The following EPS15 variants were observed in gnomAD, a reference collection of about 807,000 sequenced individuals.
EPS15 encodes epidermal growth factor receptor substrate 15.
A neutral mutation model predicts 113.8 loss-of-function variants in EPS15; 72 were observed. That is an observed-to-expected ratio of 0.63 (90% CI 0.52 to 0.77). The LOEUF is 0.77. Among genes scored for constraint, EPS15 ranks in the 30% least tolerant of loss-of-function variants. The pLI is 0.00. For missense variants in EPS15, 1,048 were observed against 1,045.8 expected, an observed-to-expected ratio of 1.00 and a Z score of -0.03; for synonymous variants, 344 against 363.4, an observed-to-expected ratio of 0.95 and a Z score of 0.61.
chr1:51,476,444 GA>G (rs1343659956), intron 2 of EPS15, among the ~76,000 whole-genome samples: 4 of 151,996 alleles, frequency 2.6e-5, no homozygotes, highest in Non-Finnish European at 5.9e-5. Flanking sequence ...ATGTGTTGAG[GA>G]ATTTACCCAT....
At chr1:51,358,923 C>CT (rs1646309607) in intron 24 of EPS15, among the ~76,000 whole-genome samples, 1 of 151,446 alleles carries the variant, frequency 6.6e-6, no homozygotes, top group South Asian at 2.1e-4. Flanking sequence ...AGGCTGGTCT[C>CT]ACACTCCTGA....
chr1:51,374,945 G>A (rs1646753428), intron 21 of EPS15, among the ~76,000 whole-genome samples: 1 of 150,352 alleles, frequency 6.7e-6, no homozygotes, highest in African/African-American at 2.5e-5. Context: ...CAAAGTGCTG[G>A]AATTACAGGT....
intron 12 of EPS15, among the ~76,000 whole-genome samples, chr1:51,437,223 A>G (rs1000084386): frequency 6.6e-5 from 10 of 152,130 alleles, no homozygotes; most frequent in African/African-American, 2.4e-4. Flanking sequence ...AATAACAAAG[A>G]ACATTCTTCA....
intron 8 of EPS15, among the ~76,000 whole-genome samples, chr1:51,452,445 G>A (rs1653652728): frequency 6.6e-6 from 1 of 152,008 alleles, no homozygotes; most frequent in Non-Finnish European, 1.5e-5. Flanking sequence ...ACCATGCCTG[G>A]CTAATTTTTT....
At chr1:51,388,009 G>C (rs904623815) in intron 21 of EPS15, among the ~76,000 whole-genome samples, 1 of 152,164 alleles carries the variant, frequency 6.6e-6, no homozygotes, top group Non-Finnish European at 1.5e-5. Flanking sequence ...CAAATCAACA[G>C]AATATACATT....
At chr1:51,385,521 A>G (rs1213070156) in intron 21 of EPS15, among the ~76,000 whole-genome samples, 1 of 152,198 alleles carries the variant, frequency 6.6e-6, no homozygotes, top group Non-Finnish European at 1.5e-5. Context: ...AACTAAAAAC[A>G]GCATTACCAT....
chr1:51,477,019 A>C (rs149115407), intron 2 of EPS15, among the ~76,000 whole-genome samples: 4,880 of 152,288 alleles, frequency 0.032, 125 homozygotes, highest in Non-Finnish European at 0.05. Flanking sequence ...GAATAGTTTC[A>C]GAAAGAATGG....
intron 13 of EPS15, among the ~76,000 whole-genome samples, chr1:51,410,173 G>A (rs1326585500): frequency 2.0e-5 from 3 of 151,774 alleles, no homozygotes; most frequent in South Asian, 4.2e-4. Flanking sequence ...AGGTTGCAGC[G>A]AGCCGAGATC....
intron 12 of EPS15, 49 bp from the exon 13 acceptor site, chr1:51,421,907 G>T: frequency 6.2e-7 from 1 of 1,607,882 alleles, no homozygotes; most frequent in Non-Finnish European, 8.5e-7. Context: ...ATCAGCTACA[G>T]CTGGTATGGT....
intron 2 of EPS15, among the ~76,000 whole-genome samples, chr1:51,475,288 A>G (rs1344547348): frequency 2.0e-5 from 3 of 152,082 alleles, no homozygotes; most frequent in Non-Finnish European, 4.4e-5. Flanking sequence ...ATTAGTTTAC[A>G]CTCCCATCAA....
chr1:51,508,266 G>GAGAGAGAGAA lies in EPS15; in HGVS notation c.33+10932_33+10933insTTCTCTCTCT, dbSNP rs1553139492. On this transcript the variant is annotated intron_variant, in intron 1 of 24. Transcript: ENST00000371733. ...AGAGAGAAAGAGAGAGAGAGAGAGA[G>GAGAGAGAGAA]AGAGAGAAAGAGAGAAAGAGAGAAA... Among the ~76,000 whole-genome samples, 12 of 129,020 alleles carry GAGAGAGAGAA rather than the reference G, an allele frequency of 9.3e-5. 1 individual carries two copies. Among genetic ancestry groups the GAGAGAGAGAA allele is most frequent in the Non-Finnish European group, 1.4e-4 (9 of 62,166 alleles). The allele number at this position is 129,020 out of a possible 152,430, so 84.6% of individuals were successfully genotyped here.
chr1:51,363,589 C>T (rs1217057063), intron 23 of EPS15, among the ~76,000 whole-genome samples: 7 of 152,006 alleles, frequency 4.6e-5, no homozygotes, highest in African/African-American at 7.2e-5. Flanking sequence ...TGACACTTTC[C>T]CTTTTCCATT....
At chr1:51,450,534 T>A (rs1027563956) in intron 8 of EPS15, among the ~76,000 whole-genome samples, 1 of 151,912 alleles carries the variant, frequency 6.6e-6, no homozygotes, top group Non-Finnish European at 1.5e-5. Context: ...GAAATATACA[T>A]GTTAATAAAC....
intron 21 of EPS15, chr1:51,372,998 T>C: frequency 3.4e-6 from 1 of 298,492 alleles, no homozygotes; most frequent in South Asian, 4.4e-5. Flanking sequence ...GTCAAGGCCT[T>C]GTACCTGAAG....
rs749421987 is a variant in EPS15 at position 51,375,798 on chromosome 1, T to TA, written c.2120-9770dup. Among the ~76,000 whole-genome samples, 12 of 152,310 alleles carry TA rather than the reference T, an allele frequency of 7.9e-5. No homozygotes were observed. In the South Asian group the frequency reaches 2.1e-3, roughly 26 times the overall value. On this transcript the variant is annotated intron_variant, in intron 21 of 24. Transcript: ENST00000371733. ...TAAGAAGACAATGTAGGAAAAGACT[T>TA]ACGTTGTAACTAAAAACAAAACAAA...
chr1:51,361,412 C>T, intron 23 of EPS15, 57 bp from the exon 24 acceptor site: 1 of 1,333,200 alleles, frequency 7.5e-7, no homozygotes, highest in South Asian at 1.3e-5. Context: ...TACAAGCACA[C>T]AAGAACATGT....
At chr1:51,508,531 T>C (rs1644564114) in intron 1 of EPS15, among the ~76,000 whole-genome samples, 1 of 152,204 alleles carries the variant, frequency 6.6e-6, no homozygotes, top group South Asian at 2.1e-4. Flanking sequence ...TTTGCCATGA[T>C]CACTCAGAGA....
chr1:51,447,900 T>TA (rs112593986), intron 9 of EPS15, 146 bp downstream of exon 9: 26,639 of 1,233,806 alleles, frequency 0.022, 239 homozygotes, highest in African/African-American at 0.049. Context: ...TGTACTTTGT[T>TA]AAAAAAAAAT....
chr1:51,495,632 A>G (rs1283061158), intron 1 of EPS15, among the ~76,000 whole-genome samples: 1 of 152,142 alleles, frequency 6.6e-6, no homozygotes, highest in Non-Finnish European at 1.5e-5. Context: ...ATATATTTTC[A>G]GCATATTTAT....
Sources: gnomAD v4.1 joint callset for allele counts (sites outside exome capture counted in the v4.1 genomes callset) on GRCh38, gnomAD v4.1.1 for gene constraint, MANE v1.5 for transcripts, NCBI Gene and HGNC (gene_info 2026-07-23, HGNC 2026-07-21) for gene names.